Variants in AMOTL1 observed in about 807,000 individuals in gnomAD.
The protein encoded by AMOTL1 is angiomotin like 1, also known as angiomotin-like protein 1.
In AMOTL1, 45 loss-of-function variants were observed where a neutral mutation model predicts 102.9. The observed-to-expected ratio is 0.44, with a 90% confidence interval of 0.34 to 0.56. The LOEUF (loss-of-function observed/expected upper bound fraction) is 0.56. Ranked by LOEUF, AMOTL1 falls within the 20% of genes least tolerant of loss-of-function variation. The pLI is 0.01. For synonymous variants in AMOTL1, 481 were observed against 484.7 expected (o/e 0.99, Z 0.10); for missense variants, 1,114 against 1,225.6 (o/e 0.91, Z 1.36).
intron 9 of AMOTL1, among the ~76,000 whole-genome samples, chr11:94,864,035 A>G (rs1338541850): frequency 6.6e-6 from 1 of 152,190 alleles, no homozygotes; most frequent in Non-Finnish European, 1.5e-5. Flanking sequence ...GAGACAGAAT[A>G]CAACATGAAG....
rs940028071 is a variant in AMOTL1, at chr11:94,800,069, G to T, written c.879G>T (p.Gly293=). 8.7e-6 allele frequency: 14 copies of T among 1,613,932 alleles called. No individual in the cohort carries two copies. The highest frequency in any genetic ancestry group is 1.1e-5 in the Non-Finnish European group (13 of 1,179,842). Residue 293 remains glycine, a synonymous_variant, in exon 3 of 13, where the codon GGG becomes GGT. Coordinates refer to ENST00000433060, the MANE Select transcript of AMOTL1 (RefSeq NM_130847.3). ...GAAAGGGCTTCAAAGTAGGAGGGGGGCCCTCCCCTGCCCAGCCTGCAGGTA... is the reference window on the plus strand; with the variant it reads ...GAAAGGGCTTCAAAGTAGGAGGGGGTCCCTCCCCTGCCCAGCCTGCAGGTA... ...GNGKGFKVGG[G]PSPAQPAGKV...
At chr11:94,809,991 T>C (rs1190904683) in intron 3 of AMOTL1, among the ~76,000 whole-genome samples, 2 of 152,308 alleles carry the variant, frequency 1.3e-5, no homozygotes, top group East Asian at 3.9e-4. Context: ...ATAGATCTTA[T>C]AGATTCATAA....
intron 3 of AMOTL1, among the ~76,000 whole-genome samples, chr11:94,762,185 A>G (rs1950801908): frequency 6.6e-6 from 1 of 152,238 alleles, no homozygotes; most frequent in African/African-American, 2.4e-5. Context: ...TAATAGAATG[A>G]TATATTATAG....
At chr11:94,836,906 T>A (rs1952194956) in intron 6 of AMOTL1, among the ~76,000 whole-genome samples, 1 of 152,126 alleles carries the variant, frequency 6.6e-6, no homozygotes, top group African/African-American at 2.4e-5. Flanking sequence ...GCTGTGGATA[T>A]GTTGGAGGTG....
intron 3 of AMOTL1, among the ~76,000 whole-genome samples, chr11:94,744,287 C>T (rs903420459): frequency 2.0e-5 from 3 of 152,074 alleles, no homozygotes; most frequent in Non-Finnish European, 4.4e-5. Context: ...TTATGTTTAC[C>T]AGGTTATTTT....
intron 6 of AMOTL1, among the ~76,000 whole-genome samples, chr11:94,835,084 T>C (rs1370594895): frequency 6.6e-6 from 1 of 152,210 alleles, no homozygotes; most frequent in Non-Finnish European, 1.5e-5. Context: ...TTGAGGAATT[T>C]TTTTCCCCTG....
chr11:94,840,623 A>T (rs1952276623), intron 6 of AMOTL1, among the ~76,000 whole-genome samples: 1 of 147,866 alleles, frequency 6.8e-6, no homozygotes, highest in African/African-American at 2.5e-5. Flanking sequence ...ATTAAGCCAT[A>T]TCTGCCATTC....
intron 3 of AMOTL1, among the ~76,000 whole-genome samples, chr11:94,809,944 C>T (rs528703994): frequency 1.1e-3 from 160 of 152,200 alleles, no homozygotes; most frequent in Middle Eastern, 3.4e-3. Context: ...GAAACATATA[C>T]GTGACACAAA....
intron 1 of AMOTL1, among the ~76,000 whole-genome samples, chr11:94,774,975 C>T (rs549595020): frequency 3.9e-5 from 6 of 152,246 alleles, no homozygotes; most frequent in Admixed American, 2.6e-4. Context: ...TCTCTCACTC[C>T]TTGGAAGACA....
At chr11:94,815,085 A>G (rs1219319121) in intron 3 of AMOTL1, among the ~76,000 whole-genome samples, 1 of 152,198 alleles carries the variant, frequency 6.6e-6, no homozygotes, top group Non-Finnish European at 1.5e-5. Context: ...GTAAATTTTT[A>G]ATAAATAAGC....
chr11:94,837,572 T>C (rs1373581527), intron 6 of AMOTL1, among the ~76,000 whole-genome samples: 1 of 152,180 alleles, frequency 6.6e-6, no homozygotes, highest in Non-Finnish European at 1.5e-5. Context: ...ACTGAGAAAC[T>C]TCAGACCTAC....
chr11:94,867,516 C>T (rs182349611), intron 11 of AMOTL1, among the ~76,000 whole-genome samples: 1 of 152,256 alleles, frequency 6.6e-6, no homozygotes, highest in Admixed American at 6.5e-5. Context: ...GCCTGGGAGC[C>T]GGAGGACTTG....
In AMOTL1 at chr11:94,799,395, G is replaced by C; in HGVS notation, c.205G>C (p.Asp69His). The C allele has an allele frequency of 6.4e-7, 1 of 1,562,386 alleles. No homozygotes were observed. Among genetic ancestry groups the C allele is most frequent in the East Asian group, 2.3e-5 (1 of 42,572 alleles). Residue 69 changes from aspartate (D) to histidine (H), a missense_variant, in exon 3 of 13, where the codon GAT becomes CAT. Asp to His is a moderately conservative substitution (Grantham distance 81). Coordinates refer to ENST00000433060, the MANE Select transcript of AMOTL1 (RefSeq NM_130847.3). This position sits in a 1 kb window ranked among gnomAD's most constrained non-coding sequence, Gnocchi z 4.5. ...TTCCTATGTTTATCTTTTAGTTGAA[G>C]ATCCTCTTTGTAACTTCCACTCCCC... is the stretch of plus-strand genomic sequence containing the variant. ...TSSIREKVVEDPLCNFHSPNF... is the reference protein window; with the variant it reads ...TSSIREKVVEHPLCNFHSPNF...
chr11:94,777,842 T>C (rs1212891210), intron 1 of AMOTL1, among the ~76,000 whole-genome samples: 1 of 152,204 alleles, frequency 6.6e-6, no homozygotes, highest in Non-Finnish European at 1.5e-5. Context: ...GTTGAGTGAA[T>C]AACTCTGCTT....
chr11:94,837,066 T>C (rs1394872484), intron 6 of AMOTL1, among the ~76,000 whole-genome samples: 1 of 152,210 alleles, frequency 6.6e-6, no homozygotes, highest in Non-Finnish European at 1.5e-5. Context: ...ATCATTTTGA[T>C]CAAGAAAGTT....
intron 3 of AMOTL1, among the ~76,000 whole-genome samples, chr11:94,761,212 A>G (rs1950788544): frequency 6.8e-6 from 1 of 146,058 alleles, no homozygotes; most frequent in African/African-American, 2.6e-5. Context: ...TTTTTTAGAC[A>G]GAGTCTTGCT....
chr11:94,852,370 C>T (rs181929276), intron 7 of AMOTL1, among the ~76,000 whole-genome samples: 7 of 152,372 alleles, frequency 4.6e-5, no homozygotes, highest in African/African-American at 1.7e-4. Context: ...GAAAGCTCAC[C>T]TAGCAGCTAA....
chr11:94,818,790 C>A (rs1211192115), intron 3 of AMOTL1, among the ~76,000 whole-genome samples: 1 of 152,040 alleles, frequency 6.6e-6, no homozygotes, highest in African/African-American at 2.4e-5. Context: ...CCTATTTTCC[C>A]TCCATTTTTT....
At chr11:94,743,659 T>C (rs1388912004) in intron 3 of AMOTL1, among the ~76,000 whole-genome samples, 1 of 139,300 alleles carries the variant, frequency 7.2e-6, no homozygotes, top group Non-Finnish European at 1.5e-5. Context: ...TTCTTTTTTT[T>C]TTTTTTTTTT....
Sources: gnomAD v4.1 joint callset for allele counts (sites outside exome capture counted in the v4.1 genomes callset) on GRCh38, gnomAD v4.1.1 for gene constraint, Gnocchi (gnomAD v3.1) non-coding constraint, MANE v1.5 for transcripts, NCBI Gene and HGNC (gene_info 2026-07-23, HGNC 2026-07-21) for gene names.